The following DHX15 variants were observed in gnomAD, a reference collection of about 807,000 sequenced individuals.
DHX15 encodes ATP-dependent RNA helicase DHX15.
A neutral mutation model predicts 94.4 loss-of-function variants in DHX15; 11 were observed. The observed-to-expected ratio is 0.12, with a 90% confidence interval of 0.07 to 0.19. DHX15 has a LOEUF of 0.19. DHX15 is among the 10% of genes least tolerant of loss of function. The probability of loss-of-function intolerance (pLI) is 1.00; values close to 1 mark genes in which losing one functional copy is unlikely to be tolerated. For synonymous variants in DHX15, 338 were observed against 329.9 expected, an observed-to-expected ratio of 1.02 and a Z score of -0.27; for missense variants, 304 against 988.5, an observed-to-expected ratio of 0.31 and a Z score of 9.29.
At chr4:24,547,935 A>C (rs369127476) in intron 6 of DHX15, among the ~76,000 whole-genome samples, 10,004 of 48,896 alleles carry the variant, frequency 0.2, 613 homozygotes, top group African/African-American at 0.3. Context: ...ATATATATAT[A>C]TATATATCTA....
intron 3 of DHX15, among the ~76,000 whole-genome samples, chr4:24,557,625 G>A (rs1049600961): frequency 2.0e-5 from 3 of 152,014 alleles, no homozygotes; most frequent in African/African-American, 7.2e-5. Context: ...TCTTGTCCTT[G>A]GTCATATTTT....
intron 6 of DHX15, among the ~76,000 whole-genome samples, chr4:24,548,273 G>A (rs1721501030): frequency 6.6e-6 from 1 of 151,356 alleles, no homozygotes; most frequent in Admixed American, 6.6e-5. Context: ...CTCCTGAGTA[G>A]CTGGAATTAC....
chr4:24,557,979 C>CAAAA (rs58623833), intron 3 of DHX15, among the ~76,000 whole-genome samples: 1 of 127,532 alleles, frequency 7.8e-6, no homozygotes, highest in Non-Finnish European at 1.6e-5. Flanking sequence ...ATTTGCAAGG[C>CAAAA]AAAAAAAAAA....
chr4:24,534,932 G>C lies in DHX15; in HGVS notation c.1910-1878C>G, dbSNP rs190917086. ...TATGGATATATCGAAATAATAACAC[G>C]TGGGGATCTGGCAAAGTTTTTTGCT... On this transcript the variant is annotated intron_variant, in intron 11 of 13. Transcript: ENST00000336812. Among the ~76,000 whole-genome samples the C allele has an allele frequency of 1.1e-4, 16 of 148,266 alleles. No individual in the cohort carries two copies. In the Admixed American group the frequency reaches 1.1e-3, roughly 10 times the overall value.
At chr4:24,565,921 G>A (rs1218907723) in intron 3 of DHX15, among the ~76,000 whole-genome samples, 1 of 151,994 alleles carries the variant, frequency 6.6e-6, no homozygotes, top group Non-Finnish European at 1.5e-5. Context: ...GCACATGAGG[G>A]CTACTTAACA....
chr4:24,541,362 G>C (rs1268901207), intron 8 of DHX15, among the ~76,000 whole-genome samples: 2 of 152,066 alleles, frequency 1.3e-5, no homozygotes, highest in Non-Finnish European at 2.9e-5. Context: ...TCTGTTATTA[G>C]ATCAACTTTT....
intron 4 of DHX15, among the ~76,000 whole-genome samples, chr4:24,555,992 CAT>C (rs1222716963): frequency 7.9e-5 from 12 of 152,136 alleles, no homozygotes; most frequent in Admixed American, 4.6e-4. Flanking sequence ...CACAGTTACA[CAT>C]ATATGTTATT....
rs555115831 is a variant in DHX15 at position 24,527,865 on chromosome 4, T to C, written c.*59A>G. 676 of 1,284,240 alleles carry C rather than the reference T, an allele frequency of 5.3e-4. No individual in the cohort carries two copies. Among genetic ancestry groups the C allele is most frequent in the Admixed American group, 7.3e-4 (43 of 58,656 alleles). 79.6% of individuals were successfully genotyped at this position (1,284,240 alleles called of 1,614,324 possible). A position where few individuals can be genotyped will look rare whatever the true frequency, so the allele number is the denominator to read the frequency against. ...AACGTGAAGAGCACAACTCGAACTT[T>C]TGAGTTCATTCATCTTTTAAAGCTG... On this transcript the variant is annotated 3_prime_UTR_variant, in exon 14 of 14. Transcript: ENST00000336812.
Position 24,555,016 on chromosome 4 carries a change from T to C in DHX15, c.862-73A>G, listed in dbSNP as rs999016168. 6.0e-6 allele frequency: 7 copies of C among 1,170,154 alleles called. No homozygotes were observed. The African/African-American group carries it at 1.1e-4, about 18-fold the overall frequency. The allele number at this position is 1,170,154 out of a possible 1,614,324, so 72.5% of individuals were successfully genotyped here. ...CATGGTCTTACAGTATAGCAATATT[T>C]ACTATTCTACATATATCAGCTATAA... On this transcript the variant is annotated intron_variant, in intron 4 of 13. Transcript: ENST00000336812.
chr4:24,531,644 G>A (rs941308115), intron 12 of DHX15, among the ~76,000 whole-genome samples: 2 of 152,022 alleles, frequency 1.3e-5, no homozygotes, highest in Admixed American at 6.5e-5. Flanking sequence ...CCAGAGCCCA[G>A]GGAGGTAAAA....
chr4:24,562,952 A>C (rs979831103), intron 3 of DHX15, among the ~76,000 whole-genome samples: 2 of 152,162 alleles, frequency 1.3e-5, no homozygotes, highest in African/African-American at 4.8e-5. Context: ...GTATTTTCTA[A>C]ATGTTTGAGT....
chr4:24,548,662 A>C (rs1302954256), intron 6 of DHX15, among the ~76,000 whole-genome samples, 193 bp downstream of exon 6: 1 of 152,234 alleles, frequency 6.6e-6, no homozygotes, highest in African/African-American at 2.4e-5. Flanking sequence ...CTAAGGAGGC[A>C]CTACCTAGAA....
At chr4:24,546,044 C>A (rs1394361214) in intron 6 of DHX15, among the ~76,000 whole-genome samples, 2 of 152,146 alleles carry the variant, frequency 1.3e-5, no homozygotes, top group Non-Finnish European at 2.9e-5. Flanking sequence ...AATAACTCCA[C>A]TTCAAAGTAG....
chr4:24,572,602 A>G lies in DHX15; in HGVS notation c.508-1755T>C, dbSNP rs374051378. Among the ~76,000 whole-genome samples, 11 of 152,346 alleles carry G rather than the reference A, an allele frequency of 7.2e-5. No homozygotes were observed. The East Asian group carries it at 1.2e-3, about 16-fold the overall frequency. Reference sequence around the variant, plus strand: ...ATAAATTTACTGTTAAGAAATTAAAACTGAAAAATTGCTAAAATATTAATT... The same window carrying G: ...ATAAATTTACTGTTAAGAAATTAAAGCTGAAAAATTGCTAAAATATTAATT... On this transcript the variant is annotated intron_variant, in intron 2 of 13. Transcript: ENST00000336812.
chr4:24,560,917 TAA>T (rs1411004455), intron 3 of DHX15, among the ~76,000 whole-genome samples: 1 of 152,118 alleles, frequency 6.6e-6, no homozygotes, highest in Non-Finnish European at 1.5e-5. Context: ...TTGACAAAGA[TAA>T]AAAGTTTTAT....
intron 3 of DHX15, among the ~76,000 whole-genome samples, chr4:24,561,520 A>G (rs1446217393): frequency 3.3e-5 from 5 of 152,196 alleles, no homozygotes. Context: ...CTGCAGTACT[A>G]TCCACAATAG....
intron 2 of DHX15, among the ~76,000 whole-genome samples, chr4:24,572,288 C>T (rs1288539708): frequency 6.6e-6 from 1 of 152,154 alleles, no homozygotes; most frequent in Non-Finnish European, 1.5e-5. Flanking sequence ...GCACGTGCCA[C>T]CACGCCTGGC....
At chr4:24,570,451 C>T (rs1722098219) in intron 3 of DHX15, among the ~76,000 whole-genome samples, 1 of 151,984 alleles carries the variant, frequency 6.6e-6, no homozygotes, top group African/African-American at 2.4e-5. Context: ...TAAAATCTGA[C>T]CTTTGAACTT....
At chr4:24,542,457 A>G (rs1721332972) in intron 7 of DHX15, among the ~76,000 whole-genome samples, 1 of 152,204 alleles carries the variant, frequency 6.6e-6, no homozygotes, top group Non-Finnish European at 1.5e-5. Context: ...TATCCAAAAG[A>G]TATTTGAAAA....
Sources: gnomAD v4.1 joint callset for allele counts (sites outside exome capture counted in the v4.1 genomes callset) on GRCh38, gnomAD v4.1.1 for gene constraint, MANE v1.5 for transcripts, NCBI Gene and HGNC (gene_info 2026-07-23, HGNC 2026-07-21) for gene names.